The following STXBP5L variants were observed in gnomAD, a reference collection of about 807,000 sequenced individuals.
STXBP5L encodes syntaxin binding protein 5L, also known as syntaxin-binding protein 5-like.
Under a neutral mutation model 144.5 loss-of-function variants are expected in STXBP5L, and 65 were observed. That is an observed-to-expected ratio of 0.45 (90% CI 0.37 to 0.55). The LOEUF (loss-of-function observed/expected upper bound fraction) is 0.55. Among genes scored for constraint, STXBP5L ranks in the 20% least tolerant of loss-of-function variants. The probability of loss-of-function intolerance (pLI) is 0.00; values close to 1 mark genes in which losing one functional copy is unlikely to be tolerated. For synonymous variants in STXBP5L, 505 were observed against 469.6 expected (o/e 1.08, Z -0.97); for missense variants, 1,298 against 1,405.5 (o/e 0.92, Z 1.22).
intron 21 of STXBP5L, among the ~76,000 whole-genome samples, chr3:121,379,491 GAGAA>G: frequency 6.6e-6 from 1 of 152,164 alleles, no homozygotes; most frequent in East Asian, 1.9e-4. Flanking sequence ...AGGAACTTTA[GAGAA>G]AGAGATAGGA....
intron 21 of STXBP5L, among the ~76,000 whole-genome samples, chr3:121,379,195 A>G (rs574449478): frequency 6.6e-6 from 1 of 152,258 alleles, no homozygotes; most frequent in African/African-American, 2.4e-5. Context: ...TTTCAATCCC[A>G]ATGGTAAGCT....
At chr3:121,092,165 T>A (rs2042843909) in intron 5 of STXBP5L, among the ~76,000 whole-genome samples, 1 of 152,202 alleles carries the variant, frequency 6.6e-6, no homozygotes, top group Non-Finnish European at 1.5e-5. Context: ...GCTGTTTTGG[T>A]TACTGTAGCC....
chr3:120,933,366 C>G (rs1559884510), intron 2 of STXBP5L, among the ~76,000 whole-genome samples: 3 of 152,082 alleles, frequency 2.0e-5, no homozygotes, highest in African/African-American at 7.2e-5. Flanking sequence ...GCTAAATTAT[C>G]TGGCCAACAT....
chr3:121,328,820 G>T (rs922517725), intron 20 of STXBP5L, among the ~76,000 whole-genome samples: 3 of 152,054 alleles, frequency 2.0e-5, no homozygotes, highest in Non-Finnish European at 2.9e-5. Flanking sequence ...AGAAAAGCAA[G>T]AGTGTCTGTG....
chr3:121,097,228 G>T (rs1278499547), intron 5 of STXBP5L, among the ~76,000 whole-genome samples: 1 of 152,184 alleles, frequency 6.6e-6, no homozygotes, highest in Non-Finnish European at 1.5e-5. Flanking sequence ...TGTTGTGTTG[G>T]CAGTGAGAAT....
chr3:120,956,756 T>C (rs558507061), intron 3 of STXBP5L, among the ~76,000 whole-genome samples: 7 of 152,072 alleles, frequency 4.6e-5, no homozygotes, highest in African/African-American at 1.7e-4. Context: ...GTCATTCTGT[T>C]TCTCATAGCA....
At chr3:121,169,599 A>T (rs1029292594) in intron 9 of STXBP5L, among the ~76,000 whole-genome samples, 10 of 152,352 alleles carry the variant, frequency 6.6e-5, no homozygotes, top group Middle Eastern at 3.4e-3. Context: ...AGAGACAAAG[A>T]AGGGCATTAC....
At chr3:121,203,886 C>G (rs1368078349) in intron 9 of STXBP5L, among the ~76,000 whole-genome samples, 1 of 152,132 alleles carries the variant, frequency 6.6e-6, no homozygotes, top group Non-Finnish European at 1.5e-5. Flanking sequence ...TTATTTCTCT[C>G]TATTCCCACA....
chr3:121,103,898 T>G (rs535343112), intron 5 of STXBP5L, among the ~76,000 whole-genome samples: 2 of 152,168 alleles, frequency 1.3e-5, no homozygotes, highest in African/African-American at 4.8e-5. Context: ...TGAAGAAATA[T>G]GTTTGGGTAT....
intron 3 of STXBP5L, among the ~76,000 whole-genome samples, chr3:120,960,082 C>T (rs1009495602): frequency 5.1e-4 from 78 of 152,096 alleles, no homozygotes; most frequent in Non-Finnish European, 8.7e-4. Flanking sequence ...ACAACCCCAT[C>T]GAAAAGTGGG....
chr3:121,255,223 A>G, intron 16 of STXBP5L, 111 bp downstream of exon 16: 1 of 670,826 alleles, frequency 1.5e-6, no homozygotes, highest in East Asian at 3.0e-5. Flanking sequence ...GTATGTGGCT[A>G]GTAATACAAT....
chr3:121,344,510 G>A (rs1020604522), intron 20 of STXBP5L, among the ~76,000 whole-genome samples: 11 of 152,002 alleles, frequency 7.2e-5, no homozygotes, highest in African/African-American at 1.2e-4. Context: ...ACATGGAGAG[G>A]CCATGGTTAA....
intron 3 of STXBP5L, among the ~76,000 whole-genome samples, chr3:120,961,265 T>A (rs1375384644): frequency 6.6e-6 from 1 of 151,010 alleles, no homozygotes; most frequent in African/African-American, 2.4e-5. Context: ...CTTTAGTCTT[T>A]CTTTTTTTGT....
chr3:121,007,913 T>C (rs1047212708), intron 3 of STXBP5L, among the ~76,000 whole-genome samples: 2 of 152,022 alleles, frequency 1.3e-5, no homozygotes, highest in African/African-American at 4.8e-5. Context: ...ACAGGTGTTA[T>C]TCATTTATGA....
At chr3:121,196,705 C>T (rs994602307) in intron 9 of STXBP5L, among the ~76,000 whole-genome samples, 3 of 151,978 alleles carry the variant, frequency 2.0e-5, no homozygotes, top group Non-Finnish European at 4.4e-5. Flanking sequence ...TTCTGTCACG[C>T]AGGCAGGAGT....
intron 2 of STXBP5L, among the ~76,000 whole-genome samples, chr3:120,941,228 ATC>A (rs921021926): frequency 9.9e-5 from 15 of 151,904 alleles, no homozygotes; most frequent in African/African-American, 2.9e-4. Flanking sequence ...AAACAATAGA[ATC>A]TCTGATCTCA....
chr3:121,132,087 C>T (rs749200133), intron 7 of STXBP5L, among the ~76,000 whole-genome samples: 1 of 152,166 alleles, frequency 6.6e-6, no homozygotes, highest in Non-Finnish European at 1.5e-5. Context: ...GAATTGGCTT[C>T]TGTCTTGCCA....
At chr3:121,303,815 G>A (rs943550101) in intron 19 of STXBP5L, among the ~76,000 whole-genome samples, 4 of 152,012 alleles carry the variant, frequency 2.6e-5, no homozygotes, top group Non-Finnish European at 5.9e-5. Flanking sequence ...ACTCATAGGT[G>A]GGAATTGAAA....
intron 5 of STXBP5L, among the ~76,000 whole-genome samples, chr3:121,085,682 A>G (rs1296409902): frequency 6.6e-6 from 1 of 152,226 alleles, no homozygotes; most frequent in Non-Finnish European, 1.5e-5. Flanking sequence ...GAGGACACAA[A>G]CAAATGTAAA....
Sources: gnomAD v4.1 joint callset for allele counts (sites outside exome capture counted in the v4.1 genomes callset) on GRCh38, gnomAD v4.1.1 for gene constraint, MANE v1.5 for transcripts, NCBI Gene and HGNC (gene_info 2026-07-23, HGNC 2026-07-21) for gene names.